Variants in OAS2 observed in about 807,000 individuals in gnomAD.
OAS2 encodes 2'-5'-oligoadenylate synthetase 2.
Under a neutral mutation model 71.3 loss-of-function variants are expected in OAS2, and 67 were observed. The observed-to-expected ratio is 0.94, with a 90% confidence interval of 0.77 to 1.15. The LOEUF (loss-of-function observed/expected upper bound fraction) is 1.15, where lower values mean the gene tolerates loss of function less well. Among genes scored for constraint, OAS2 ranks in the 50% most tolerant of loss-of-function variants. The pLI, the probability that OAS2 is intolerant of heterozygous loss-of-function variation, is 0.00. For missense variants in OAS2, 789 were observed against 822.5 expected (o/e 0.96, Z 0.50); for synonymous variants, 327 against 321.8 (o/e 1.02, Z -0.17).
Position 112,995,316 on chromosome 12 carries a change from C to G in OAS2, c.469C>G (p.Pro157Ala), listed in dbSNP as rs754029843. Residue 157 changes from proline to alanine, a missense_variant, in exon 3 of 10, where the codon CCC (proline) becomes GCC (alanine). Pro to Ala is a conservative substitution (Grantham distance 27, BLOSUM62 -1). Transcript: ENST00000392583. ...ATCAGGCTTAAATGATAATCCCAGC[C>G]CCTGGATCTATCGAGAGCTCAAAAG... ...NALSLNDNPS[P>A]WIYRELKRSL... 7 of 1,612,016 alleles carry G rather than the reference C, an allele frequency of 4.3e-6. No individual in the cohort carries two copies. The African/African-American group carries it at 8.0e-5, about 18-fold the overall frequency.
At chr12:113,002,821 C>A in intron 5 of OAS2, 111 bp from the exon 6 acceptor site, 1 of 867,898 alleles carries the variant, frequency 1.2e-6, no homozygotes, top group Non-Finnish European at 1.8e-6. Context: ...AGCCCACGAG[C>A]AGGAGGGCAG....
At chr12:112,982,862 G>C (rs2044096763) in intron 1 of OAS2, among the ~76,000 whole-genome samples, 1 of 152,044 alleles carries the variant, frequency 6.6e-6, no homozygotes, top group Non-Finnish European at 1.5e-5. Flanking sequence ...ACTCACTATT[G>C]GTCTGTTCAG....
rs184618665 is a variant in OAS2, at chr12:113,007,696, C to G, written c.1657-9C>G. ...AACCAGTTCGTCTGATGTTCCCACT[C>G]TTACCTAGTGTGAAAGGAAACTGAA... On this transcript the variant is annotated splice_polypyrimidine_tract_variant and intron_variant, in intron 8 of 9. Transcript: ENST00000392583. 1 of 1,610,104 alleles carries G rather than the reference C, an allele frequency of 6.2e-7. No individual in the cohort carries two copies. Among genetic ancestry groups the G allele is most frequent in the Non-Finnish European group, 8.5e-7 (1 of 1,176,624 alleles).
At position 112,997,670 on chromosome 12, in the gene OAS2, A is replaced by G; in HGVS notation, c.778A>G (p.Lys260Glu). 3 of 1,614,004 alleles carry G rather than the reference A, an allele frequency of 1.9e-6. No homozygotes were observed. In the African/African-American group the frequency reaches 4.0e-5, roughly 22 times the overall value. Residue 260 changes from lysine to glutamate, a missense_variant, in exon 4 of 10, where the codon AAG (lysine) becomes GAG (glutamate). Transcript: ENST00000392583. The part of the protein sequence containing the change: ...TVLELIKCQE[K>E]LCIYWMVNYN... ...ACTGGAGCTGATCAAATGCCAGGAG[A>G]AGCTGTGTATCTATTGGATGGTCAA...
At chr12:112,999,025 C>T (rs549532843) in intron 5 of OAS2, among the ~76,000 whole-genome samples, 4 of 152,260 alleles carry the variant, frequency 2.6e-5, no homozygotes, top group South Asian at 4.1e-4. Flanking sequence ...CCCAAAGATG[C>T]GAGATCTCAA....
Position 112,987,260 on chromosome 12 carries a change from A to G in OAS2, c.400A>G (p.Lys134Glu). 2 of 1,614,166 alleles carry G rather than the reference A, an allele frequency of 1.2e-6. No homozygotes were observed. The highest frequency in any genetic ancestry group is 1.7e-6 in the Non-Finnish European group (2 of 1,180,016). The change falls in exon 2 of 10, where the codon AAA (lysine) becomes GAA (glutamate). Residue 134 changes from lysine (K) to glutamate (E), a missense_variant. Lys to Glu is a moderately conservative substitution (Grantham distance 56). Transcript: ENST00000392583. The stretch of plus-strand genomic sequence containing the variant: ...TGGGTTCACCATCCAGGTGTTCACA[A>G]AAAATCAGAGAATCTCTTTCGAGGT... ...LDGFTIQVFT[K>E]NQRISFEVLA...
chr12:112,998,495 C>G lies in OAS2; in HGVS notation c.1008+85C>G, dbSNP rs145087968. ...AGGCTAGGTCTTATCTGAGAGTACT[C>G]TATATTCGTTTCCTGTATTGCTGTT... On this transcript the variant is annotated intron_variant, in intron 5 of 9. Transcript: ENST00000392583. 3.0e-4 allele frequency: 433 copies of G among 1,451,192 alleles called. No individual in the cohort carries two copies. In the African/African-American group the frequency reaches 5.8e-3, roughly 20 times the overall value. 89.9% of individuals were successfully genotyped at this position (1,451,192 alleles called of 1,614,324 possible).
chr12:113,010,295 CT>C lies in OAS2; in HGVS notation c.*1046del, dbSNP rs1363684578. On this transcript the variant is annotated 3_prime_UTR_variant, in exon 10 of 10. Coordinates refer to ENST00000392583, the MANE Select transcript of OAS2 (RefSeq NM_002535.3). ...TTACCTTCCCAGATACAGGTCCCCC[CT>C]TTTTTCCCCTAACTCTTTTAAGCAA... 9.9e-6 allele frequency: 15 copies of C among 1,509,258 alleles called. No individual in the cohort carries two copies. Among genetic ancestry groups the C allele is most frequent in the South Asian group, 2.7e-5 (2 of 73,388 alleles). The allele number at this position is 1,509,258 out of a possible 1,614,324, so 93.5% of individuals were successfully genotyped here. A position where few individuals can be genotyped will look rare whatever the true frequency, so the allele number is the denominator to read the frequency against.
chr12:113,010,563 C>G lies in OAS2; in HGVS notation c.*1308C>G, dbSNP rs982415604. 23 of 1,549,516 alleles carry G rather than the reference C, an allele frequency of 1.5e-5. No individual in the cohort carries two copies. Among genetic ancestry groups the G allele is most frequent in the Admixed American group, 2.0e-5 (1 of 50,904 alleles). On this transcript the variant is annotated 3_prime_UTR_variant, in exon 10 of 10. Transcript: ENST00000392583. ...TCACATCCATTCTTCCCTTGATGGT[C>G]CCTATTCCTCCTTCCCTTGCTTCTT...
chr12:113,003,100 CG>C lies in OAS2; in HGVS notation c.1179+1del. On this transcript the variant is annotated frameshift_variant and splice_region_variant, in exon 6 of 10. Transcript: ENST00000392583. LOFTEE classifies it high-confidence loss of function. Reference protein sequence around the residue: ...RQSTAKIQIVRGGSTAKGTAL... With the variant: ...RQSTAKIQIVXGGSTAKGTAL... The stretch of plus-strand genomic sequence containing the variant: ...ATCAACAGCCAAGATCCAGATTGTC[CG>C]GGTGAGCACTGGCCTTTCTCATGTC... 2 of 1,613,888 alleles carry C rather than the reference CG, an allele frequency of 1.2e-6. No individual in the cohort carries two copies. Among genetic ancestry groups the C allele is most frequent in the South Asian group, 2.2e-5 (2 of 91,044 alleles).
rs76632587 is a variant in OAS2, at chr12:112,987,669, G to A, written c.448+361G>A. 6.9e-4 allele frequency: 772 copies of A among 1,125,686 alleles called. 8 individuals carry two copies. The East Asian group carries it at 0.02, about 29-fold the overall frequency. 69.7% of individuals were successfully genotyped at this position (1,125,686 alleles called of 1,614,324 possible). On this transcript the variant is annotated intron_variant, in intron 2 of 9. Transcript: ENST00000392583. ...ATATTTCTAGCCAGCTCCATGATGAGCTGCTGGTCCGCAGATCATGCTTGC... is the reference window on the plus strand; with the variant it reads ...ATATTTCTAGCCAGCTCCATGATGAACTGCTGGTCCGCAGATCATGCTTGC...
chr12:112,988,476 C>T, intron 2 of OAS2: 1 of 471,300 alleles, frequency 2.1e-6, no homozygotes, highest in Non-Finnish European at 2.8e-6. Context: ...AGTTGGCCAC[C>T]TTTGATTGGC....
At chr12:112,995,530 A>T in intron 3 of OAS2, 56 bp downstream of exon 3, 1 of 1,503,740 alleles carries the variant, frequency 6.7e-7, no homozygotes, top group South Asian at 1.2e-5. Context: ...TATCGAGATA[A>T]TTGACATCCA....
In OAS2 at chr12:113,003,103, G is replaced by T; in HGVS notation, c.1179+1G>T. 6.2e-7 allele frequency: 1 copy of T among 1,614,068 alleles called. No individual in the cohort carries two copies. Among genetic ancestry groups the T allele is most frequent in the Non-Finnish European group, 8.5e-7 (1 of 1,179,932 alleles). On this transcript the variant is annotated splice_donor_variant, in intron 6 of 9. Coordinates refer to ENST00000392583, the MANE Select transcript of OAS2 (RefSeq NM_002535.3). LOFTEE classifies it high-confidence loss of function. ...AACAGCCAAGATCCAGATTGTCCGG[G>T]TGAGCACTGGCCTTTCTCATGTCTT...
chr12:113,007,150 T>G (rs989285364), intron 8 of OAS2, among the ~76,000 whole-genome samples: 1 of 152,180 alleles, frequency 6.6e-6, no homozygotes, highest in Admixed American at 6.5e-5. Flanking sequence ...GCACACAAAG[T>G]AGCTTCTGAA....
At chr12:113,006,335 A>T in intron 7 of OAS2, 78 bp from the exon 8 acceptor site, 1 of 1,232,362 alleles carries the variant, frequency 8.1e-7, no homozygotes, top group African/African-American at 1.5e-5. Context: ...GAATTAAATC[A>T]TATTTGTCAA....
intron 5 of OAS2, among the ~76,000 whole-genome samples, chr12:113,000,013 G>A (rs901312065): frequency 2.0e-5 from 3 of 152,076 alleles, no homozygotes; most frequent in Admixed American, 1.3e-4. Flanking sequence ...CCAAAGCTCT[G>A]GGATTACAAG....
rs1388960233 is a variant in OAS2, at chr12:112,978,948, T to C, written c.177+163T>C. On this transcript the variant is annotated intron_variant, in intron 1 of 9. Coordinates refer to ENST00000392583, the MANE Select transcript of OAS2 (RefSeq NM_002535.3). This position sits in a 1 kb window ranked among gnomAD's most constrained non-coding sequence, Gnocchi z 4.2. Reference sequence around the variant, plus strand: ...CTGGAGCAGGCGCTTGCTCCAGAGCTGTGTGACACTGGGCAGGCTACTTAA... The same window carrying C: ...CTGGAGCAGGCGCTTGCTCCAGAGCCGTGTGACACTGGGCAGGCTACTTAA... Among the ~76,000 whole-genome samples, 1 of 152,136 alleles carries C rather than the reference T, an allele frequency of 6.6e-6. No homozygotes were observed. Among genetic ancestry groups the C allele is most frequent in the Admixed American group, 6.5e-5 (1 of 15,274 alleles).
rs2044152337 is a variant in OAS2, at chr12:112,987,663, T to C, written c.448+355T>C. The C allele has an allele frequency of 2.7e-6, 3 of 1,131,162 alleles. No homozygotes were observed. In the East Asian group the frequency reaches 1.4e-4, roughly 53 times the overall value. The allele number at this position is 1,131,162 out of a possible 1,614,324, so 70.1% of individuals were successfully genotyped here. A position where few individuals can be genotyped will look rare whatever the true frequency, so the allele number is the denominator to read the frequency against. ...GATTTCATATTTCTAGCCAGCTCCATGATGAGCTGCTGGTCCGCAGATCAT... is the reference window on the plus strand; with the variant it reads ...GATTTCATATTTCTAGCCAGCTCCACGATGAGCTGCTGGTCCGCAGATCAT... On this transcript the variant is annotated intron_variant, in intron 2 of 9. Coordinates refer to ENST00000392583, the MANE Select transcript of OAS2 (RefSeq NM_002535.3).
Sources: gnomAD v4.1 joint callset for allele counts (sites outside exome capture counted in the v4.1 genomes callset) on GRCh38, gnomAD v4.1.1 for gene constraint, Gnocchi (gnomAD v3.1) non-coding constraint, MANE v1.5 for transcripts, NCBI Gene and HGNC (gene_info 2026-07-23, HGNC 2026-07-21) for gene names.